ACBD5: variants seen among roughly 807,000 people sequenced by gnomAD.
The protein encoded by ACBD5 is acyl-CoA-binding domain-containing protein 5.
ACBD5 carries 40 observed loss-of-function variants against 71.8 expected under a neutral mutation model. The observed-to-expected ratio is 0.56, with a 90% CI of 0.43 to 0.72. The LOEUF (loss-of-function observed/expected upper bound fraction) is 0.72, where lower values mean the gene tolerates loss of function less well. Among genes scored for constraint, ACBD5 ranks in the 30% least tolerant of loss-of-function variants. The pLI is 0.00. For synonymous variants in ACBD5, 229 were observed against 218.6 expected, an observed-to-expected ratio of 1.05 and a Z score of -0.42; for missense variants, 559 against 644.5, an observed-to-expected ratio of 0.87 and a Z score of 1.44.
rs1163595749 is a variant in ACBD5 at position 27,205,147 on chromosome 10, AC to A, written c.1455+50del. ...GTATCAAACAAAAACAAAAACAACA[AC>A]AAAAAACATATGAAACCCTGGCATT... On this transcript the variant is annotated intron_variant, in intron 11 of 12. Coordinates refer to ENST00000396271, the MANE Select transcript of ACBD5 (RefSeq NM_145698.5). 3 of 1,567,262 alleles carry A rather than the reference AC, an allele frequency of 1.9e-6. No individual in the cohort carries two copies. In the African/African-American group the frequency reaches 4.1e-5, roughly 21 times the overall value.
At position 27,196,177 on chromosome 10, in the gene ACBD5, G is replaced by A. The variant is rs1471997946; in HGVS notation, c.*1253C>T. On this transcript the variant is annotated 3_prime_UTR_variant, in exon 13 of 13. Coordinates refer to ENST00000396271, the MANE Select transcript of ACBD5 (RefSeq NM_145698.5). ...ATCACGCCATTGCCCTCCAGCCTGG[G>A]CAACAAGAGAGAAACTCCATTTAAA... 1 of 453,684 alleles carries A rather than the reference G, an allele frequency of 2.2e-6. No individual in the cohort carries two copies. The highest frequency in any genetic ancestry group is 4.4e-6 in the Non-Finnish European group (1 of 226,762). The allele number at this position is 453,684 out of a possible 1,614,324, so 28.1% of individuals were successfully genotyped here. A position where few individuals can be genotyped will look rare whatever the true frequency, so the allele number is the denominator to read the frequency against.
chr10:27,219,746 T>C lies in ACBD5; in HGVS notation c.602A>G (p.Lys201Arg). The C allele has an allele frequency of 6.2e-7, 1 of 1,614,088 alleles. No individual in the cohort carries two copies. Among genetic ancestry groups the C allele is most frequent in the Non-Finnish European group, 8.5e-7 (1 of 1,179,966 alleles). ...ACCATTATCACTTTGTTCTGCTCCT[T>C]TCACTTCTTCTTGGGCCTCTTCTTC... Reference protein sequence around the residue: ...SEEEEAQEEVKGAEQSDNDKK... With the variant: ...SEEEEAQEEVRGAEQSDNDKK... The change falls in exon 6 of 13, where the codon AAA becomes AGA. Residue 201 changes from lysine to arginine, a missense_variant. Transcript: ENST00000396271.
upstream of ACBD5, among the ~76,000 whole-genome samples, chr10:27,241,142 G>A (rs1414453147): frequency 6.6e-6 from 1 of 152,212 alleles, no homozygotes; most frequent in African/African-American, 2.4e-5. Context: ...CGGCACCGCT[G>A]GGCAACAAAA....
In ACBD5 at chr10:27,213,049, G is replaced by A. The variant is rs7909359; in HGVS notation, c.937-1968C>T. Reference sequence around the variant, plus strand: ...GAACTGTATTAGAACAGGGTAGGTAGGTAGGAAACAGAATGGGGAGAGGAT... The same window carrying A: ...GAACTGTATTAGAACAGGGTAGGTAAGTAGGAAACAGAATGGGGAGAGGAT... On this transcript the variant is annotated intron_variant, in intron 8 of 12. Transcript: ENST00000396271. Among the ~76,000 whole-genome samples, 53 of 152,150 alleles carry A rather than the reference G, an allele frequency of 3.5e-4. 1 individual carries two copies. Among genetic ancestry groups the A allele is most frequent in the Admixed American group, 3.5e-3 (53 of 15,270 alleles).
chr10:27,218,485 C>T (rs1279539874), intron 6 of ACBD5, among the ~76,000 whole-genome samples: 1 of 152,112 alleles, frequency 6.6e-6, no homozygotes, highest in African/African-American at 2.4e-5. Flanking sequence ...CTCTATGAGA[C>T]CTAGCAGTGC....
At chr10:27,187,172 C>T (rs534636519) in intron 13 of ACBD5, among the ~76,000 whole-genome samples, 101 of 152,174 alleles carry the variant, frequency 6.6e-4, no homozygotes, top group Non-Finnish European at 1.3e-3. Context: ...TGTTGGTGGG[C>T]GCCTGTAGTC....
intron 8 of ACBD5, among the ~76,000 whole-genome samples, chr10:27,212,580 T>C (rs75424516): frequency 1.3e-5 from 1 of 78,096 alleles, no homozygotes; most frequent in Non-Finnish European, 2.9e-5. Context: ...TTTATGCTGC[T>C]TTTTTTTTTT....
At chr10:27,230,069 T>C (rs568569004) in intron 4 of ACBD5, among the ~76,000 whole-genome samples, 2 of 148,062 alleles carry the variant, frequency 1.4e-5, no homozygotes, top group East Asian at 3.9e-4. Context: ...TATAGAAGTA[T>C]GTCCTAAAAA....
At chr10:27,234,000 C>T (rs1356764985) in intron 3 of ACBD5, among the ~76,000 whole-genome samples, 1 of 151,766 alleles carries the variant, frequency 6.6e-6, no homozygotes, top group African/African-American at 2.4e-5. Context: ...GCTGAGGTCA[C>T]GCCATTGCAC....
intron 13 of ACBD5, among the ~76,000 whole-genome samples, chr10:27,186,003 C>T (rs1478451371): frequency 3.9e-5 from 6 of 152,120 alleles, no homozygotes; most frequent in African/African-American, 7.2e-5. Flanking sequence ...GTAGGAGAAT[C>T]GCTTGAACCC....
chr10:27,228,975 C>G (rs563750851), intron 4 of ACBD5, among the ~76,000 whole-genome samples: 2 of 150,254 alleles, frequency 1.3e-5, no homozygotes, highest in Admixed American at 1.3e-4. Context: ...TATGCCACTA[C>G]GCCAGGCTAA....
chr10:27,236,922 T>A (rs1442638660), intron 2 of ACBD5, among the ~76,000 whole-genome samples: 2 of 149,428 alleles, frequency 1.3e-5, no homozygotes, highest in Non-Finnish European at 3.0e-5. Context: ...CTGTGGAAAT[T>A]ACCACAGAGA....
chr10:27,186,519 T>C, intron 13 of ACBD5: 1 of 1,614,032 alleles, frequency 6.2e-7, no homozygotes, highest in Non-Finnish European at 8.5e-7. Context: ...CCTGACTGTA[T>C]CTGGATTTAG....
At chr10:27,186,339 G>T in intron 13 of ACBD5, 1 of 1,570,574 alleles carries the variant, frequency 6.4e-7, no homozygotes, top group Non-Finnish European at 8.8e-7. Context: ...ACTTACTTAG[G>T]TAATGATATC....
chr10:27,221,917 C>CAAAAAAAA (rs56253187), intron 5 of ACBD5, among the ~76,000 whole-genome samples: 19 of 77,104 alleles, frequency 2.5e-4, no homozygotes, highest in South Asian at 4.8e-4. Flanking sequence ...GACTCCATCT[C>CAAAAAAAA]AAAAAAAAAA....
rs1215478417 is a variant in ACBD5, at chr10:27,240,709, G to T, written c.-21C>A. ...AGCATGTCTAGCAGAAGACAGAGGG[G>T]GTCCGGGCATCGGTGGCCGCGGAGC... On this transcript the variant is annotated 5_prime_UTR_variant, in exon 1 of 13. Coordinates refer to ENST00000396271, the MANE Select transcript of ACBD5 (RefSeq NM_145698.5). This position sits in a 1 kb window ranked among gnomAD's most constrained non-coding sequence, Gnocchi z 4.1. The T allele has an allele frequency of 6.4e-7, 1 of 1,550,506 alleles. No homozygotes were observed. Among genetic ancestry groups the T allele is most frequent in the Admixed American group, 2.0e-5 (1 of 50,986 alleles).
chr10:27,227,693 T>G (rs2063262004), intron 4 of ACBD5, among the ~76,000 whole-genome samples: 1 of 152,114 alleles, frequency 6.6e-6, no homozygotes, highest in African/African-American at 2.4e-5. Context: ...ATGGCAACTT[T>G]CAGGTTCCAT....
downstream of ACBD5, among the ~76,000 whole-genome samples, chr10:27,194,463 T>C (rs2059219350): frequency 6.9e-6 from 1 of 145,058 alleles, no homozygotes; most frequent in East Asian, 2.1e-4. Flanking sequence ...GTACAAAAAA[T>C]TAGCCAGGTG....
At chr10:27,216,144 T>C (rs550568307) in intron 7 of ACBD5, among the ~76,000 whole-genome samples, 3 of 148,692 alleles carry the variant, frequency 2.0e-5, no homozygotes, top group Non-Finnish European at 4.5e-5. Context: ...AAAATACTGT[T>C]TATTTTTGGT....
Sources: gnomAD v4.1 joint callset for allele counts (sites outside exome capture counted in the v4.1 genomes callset) on GRCh38, gnomAD v4.1.1 for gene constraint, Gnocchi (gnomAD v3.1) non-coding constraint, MANE v1.5 for transcripts, NCBI Gene and HGNC (gene_info 2026-07-23, HGNC 2026-07-21) for gene names.